PASK: variants seen among roughly 807,000 people sequenced by gnomAD.
PASK encodes the protein PAS domain-containing serine/threonine-protein kinase.
A neutral mutation model predicts 121.0 loss-of-function variants in PASK; 110 were observed. The ratio of observed to expected loss-of-function variants is 0.91; its 90% confidence interval spans 0.78 to 1.06. The LOEUF (loss-of-function observed/expected upper bound fraction) is 1.06, where lower values mean the gene tolerates loss of function less well. PASK is among the 50% of genes least tolerant of loss of function. The pLI is 0.00. For missense variants in PASK, 1,643 were observed against 1,702.3 expected (o/e 0.97, Z 0.61); for synonymous variants, 686 against 717.8 (o/e 0.96, Z 0.71).
rs2064986893 is a variant in PASK, at chr2:241,108,697, G to C, written c.3534-397C>G. 2.8e-6 allele frequency: 1 copy of C among 354,256 alleles called. No homozygotes were observed. Among genetic ancestry groups the C allele is most frequent in the Non-Finnish European group, 5.5e-6 (1 of 180,728 alleles). The allele number at this position is 354,256 out of a possible 1,614,324, so 21.9% of individuals were successfully genotyped here. On this transcript the variant is annotated intron_variant, in intron 15 of 17. Coordinates refer to ENST00000234040, the MANE Select transcript of PASK (RefSeq NM_015148.4). The surrounding 1 kb of genome is among the most constrained non-coding windows in gnomAD (Gnocchi z 5.2). ...ACAGGGTCACGTGCCCTTCAGACGT[G>C]ATCAGGCATGTTCACGATCTTGGTG...
At chr2:241,139,751 T>C in intron 4 of PASK, 134 bp downstream of exon 4, 3 of 855,570 alleles carry the variant, frequency 3.5e-6, no homozygotes, top group Non-Finnish European at 5.8e-6. Flanking sequence ...GGATGACATT[T>C]TCAGCTGAAG....
At chr2:241,110,376 G>A (rs891483983) in intron 15 of PASK, among the ~76,000 whole-genome samples, 4 of 152,332 alleles carry the variant, frequency 2.6e-5, no homozygotes, top group African/African-American at 9.6e-5. Flanking sequence ...CAGAAGCCAG[G>A]GCCCTGAGGA....
chr2:241,132,775 T>C (rs1213976870), intron 9 of PASK, 99 bp downstream of exon 9: 7 of 1,018,626 alleles, frequency 6.9e-6, no homozygotes, highest in African/African-American at 3.1e-5. Flanking sequence ...AATGTTACTA[T>C]GAATAATAGG....
intron 1 of PASK, among the ~76,000 whole-genome samples, chr2:241,144,095 T>TGG (rs1559403759): frequency 1.3e-5 from 2 of 151,852 alleles, no homozygotes; most frequent in Non-Finnish European, 2.9e-5. Flanking sequence ...TGTGTGTGTG[T>TGG]GGGTGTGCGT....
At chr2:241,144,538 A>C (rs960655064) in intron 1 of PASK, among the ~76,000 whole-genome samples, 6 of 152,198 alleles carry the variant, frequency 3.9e-5, no homozygotes, top group Non-Finnish European at 7.3e-5. Context: ...CCAGAACCCC[A>C]GAGTTCCCAG....
rs760737461 is a variant in PASK, at chr2:241,107,430, A to G, written c.3737T>C (p.Val1246Ala). Residue 1246 changes from valine to alanine, a missense_variant, in exon 17 of 18, where the codon GTG becomes GCG. Coordinates refer to ENST00000234040, the MANE Select transcript of PASK (RefSeq NM_015148.4). The stretch of plus-strand genomic sequence containing the variant: ...AGGCTGTGTTACCCACGGGTCTGTC[A>G]CCAGCTTCTCCAAGGTGGTGCGTCT... ...PERRTTLEKL[V>A]TDPWVTQPVN... 1.8e-5 allele frequency: 29 copies of G among 1,614,010 alleles called. No homozygotes were observed. The highest frequency in any genetic ancestry group is 2.5e-5 in the Non-Finnish European group (29 of 1,179,864).
chr2:241,141,654 C>T (rs1027514387), intron 2 of PASK, among the ~76,000 whole-genome samples: 1 of 152,158 alleles, frequency 6.6e-6, no homozygotes, highest in African/African-American at 2.4e-5. Context: ...CCAGCCTGGA[C>T]CTCCCACGGC....
chr2:241,109,306 T>C (rs2065009970), intron 15 of PASK: 1 of 152,500 alleles, frequency 6.6e-6, no homozygotes, highest in Middle Eastern at 3.2e-3. Flanking sequence ...TGAGGTGAAG[T>C]TGCTGCCAAG....
chr2:241,149,101 T>C (rs1321918404), intron 1 of PASK, among the ~76,000 whole-genome samples: 3 of 151,746 alleles, frequency 2.0e-5, no homozygotes, highest in African/African-American at 7.3e-5. Flanking sequence ...GAGCGCAGGG[T>C]CCCGAGGCGA....
chr2:241,149,765 G>A, upstream of PASK: 1 of 1,538,836 alleles, frequency 6.5e-7, no homozygotes, highest in South Asian at 1.2e-5. Context: ...GAGGACGCGG[G>A]GCGGCTCGTT....
chr2:241,126,446 T>C lies in PASK; in HGVS notation c.2469A>G (p.Thr823=), dbSNP rs1352940470. 6.2e-7 allele frequency: 1 copy of C among 1,614,254 alleles called. No homozygotes were observed. The highest frequency in any genetic ancestry group is 1.1e-5 in the South Asian group (1 of 91,090). Residue 823 remains threonine (T), a synonymous_variant, in exon 10 of 18, where the codon ACA becomes ACG. Transcript: ENST00000234040. Reference sequence around the variant, plus strand: ...ACACCAAACAAACCTCAAGCGGTTCTGTTGGATCATGTCCCACACAGCTCT... The same window carrying C: ...ACACCAAACAAACCTCAAGCGGTTCCGTTGGATCATGTCCCACACAGCTCT... ...FRESCVGHDP[T]EPLEVCLVSS...
intron 1 of PASK, among the ~76,000 whole-genome samples, chr2:241,146,308 G>A (rs1166861781): frequency 6.6e-6 from 1 of 152,150 alleles, no homozygotes; most frequent in Non-Finnish European, 1.5e-5. Flanking sequence ...CAATTCAAGT[G>A]AAACATTTGT....
At chr2:241,123,150 G>C (rs2065693708) in intron 11 of PASK, among the ~76,000 whole-genome samples, 1 of 151,532 alleles carries the variant, frequency 6.6e-6, no homozygotes, top group Non-Finnish European at 1.5e-5. Context: ...ATATACATGG[G>C]CCTAGGCAGA....
At chr2:241,139,563 TGA>T (rs1437745348) in intron 4 of PASK, 7 of 598,238 alleles carry the variant, frequency 1.2e-5, no homozygotes, top group Non-Finnish European at 2.3e-5. Flanking sequence ...CTTGAGCATC[TGA>T]TGTGCTGCCC....
Position 241,135,984 on chromosome 2 carries a change from C to A in PASK, c.1193G>T (p.Ser398Ile), listed in dbSNP as rs755241683. The stretch of plus-strand genomic sequence containing the variant: ...GGCCAGGTCTGGGAGCTGTAATGAG[C>A]TGTTGTACGCAAGGTCCATGTAGCT... ...FYSYMDLAYN[S>I]SLQLPDLASC... is the part of the protein sequence containing the mutation. Residue 398 changes from serine to isoleucine, a missense_variant, in exon 8 of 18, where the codon AGC becomes ATC. Around this residue, in one of 3 missense-constraint regions of PASK, gnomAD observed 1,176 missense variants for 1,162.2 expected, o/e 1.01. Coordinates refer to ENST00000234040, the MANE Select transcript of PASK (RefSeq NM_015148.4). 1 of 1,613,972 alleles carries A rather than the reference C, an allele frequency of 6.2e-7. No individual in the cohort carries two copies. Among genetic ancestry groups the A allele is most frequent in the Admixed American group, 1.7e-5 (1 of 60,036 alleles).
Position 241,126,350 on chromosome 2 carries a change from A to C in PASK, c.2565T>G (p.Pro855=), listed in dbSNP as rs144733997. 4.7e-4 allele frequency: 753 copies of C among 1,614,224 alleles called. No individual in the cohort carries two copies. Among genetic ancestry groups the C allele is most frequent in the Non-Finnish European group, 6.1e-4 (724 of 1,180,030 alleles). ...GHVPSTLDAG[P]EDTCPSAEEP... is the part of the protein sequence containing the mutation. ...CCTCTGCTGATGGGCACGTGTCCTC[A>C]GGGCCAGCATCCAACGTGGAAGGAA... Residue 855 remains proline, a synonymous_variant, in exon 10 of 18, where the codon CCT becomes CCG. Transcript: ENST00000234040.
In PASK at chr2:241,143,036, A is replaced by C; in HGVS notation, c.-4T>G. The C allele has an allele frequency of 1.2e-6, 2 of 1,612,466 alleles. No homozygotes were observed. Among genetic ancestry groups the C allele is most frequent in the Non-Finnish European group, 1.7e-6 (2 of 1,178,714 alleles). On this transcript the variant is annotated 5_prime_UTR_variant, in exon 2 of 18. Transcript: ENST00000234040. ...CTGTTAAGCCCCCGTCCTCCATGGG[A>C]AGAAGGGAGGCCAACTGCCAAGCTT...
intron 8 of PASK, 54 bp from the exon 9 acceptor site, chr2:241,133,084 G>T: frequency 6.4e-7 from 1 of 1,553,892 alleles, no homozygotes; most frequent in South Asian, 1.1e-5. Flanking sequence ...TCCCTAAAAC[G>T]AATCTGCTCA....
chr2:241,138,225 T>C (rs1000371526), intron 5 of PASK, 138 bp from the exon 6 acceptor site: 38 of 840,224 alleles, frequency 4.5e-5, no homozygotes, highest in Non-Finnish European at 5.4e-5. Context: ...CATATACACA[T>C]GAATTTGATA....
Sources: allele counts gnomAD v4.1 joint callset (sites outside exome capture counted in the v4.1 genomes callset), GRCh38; gene constraint gnomAD v4.1.1; regional missense constraint gnomAD v4.1.1; non-coding constraint Gnocchi (gnomAD v3.1); transcripts MANE v1.5; gene names NCBI Gene and HGNC (gene_info 2026-07-23, HGNC 2026-07-21).